MRPS23: variants seen among roughly 807,000 people sequenced by gnomAD.
MRPS23 encodes small ribosomal subunit protein mS23.
A neutral mutation model predicts 19.8 loss-of-function variants in MRPS23; 14 were observed. That is an observed-to-expected ratio of 0.71 (90% CI 0.47 to 1.11). MRPS23 has a LOEUF of 1.11. Among genes scored for constraint, MRPS23 ranks in the 50% least tolerant of loss-of-function variants. MRPS23 has a pLI of 0.00. For missense variants in MRPS23, 242 were observed against 236.7 expected, an observed-to-expected ratio of 1.02 and a Z score of -0.15; for synonymous variants, 113 against 89.7, an observed-to-expected ratio of 1.26 and a Z score of -1.47.
At position 57,849,548 on chromosome 17, in the gene MRPS23, C is replaced by A. The variant is rs73992322; in HGVS notation, c.45-138G>T. The A allele has an allele frequency of 3.1e-3, 3,150 of 1,018,202 alleles. 71 individuals are homozygous for A. The African/African-American group carries it at 0.045, about 15-fold the overall frequency. The allele number at this position is 1,018,202 out of a possible 1,614,324, so 63.1% of individuals were successfully genotyped here. A position where few individuals can be genotyped will look rare whatever the true frequency, so the allele number is the denominator to read the frequency against. ...ACGGGGAAGGACTGCTCCCCACCTA[C>A]AGAGAAGATCTGTCCACATCCCAAA... On this transcript the variant is annotated intron_variant, in intron 1 of 4. Transcript: ENST00000313608.
intron 2 of MRPS23, among the ~76,000 whole-genome samples, chr17:57,847,622 A>G (rs1180522704): frequency 6.8e-6 from 1 of 147,628 alleles, no homozygotes; most frequent in Non-Finnish European, 1.5e-5. Context: ...AGATTGCGCC[A>G]CTGCACTCCA....
At chr17:57,840,343 C>A (rs910400170) in intron 4 of MRPS23, among the ~76,000 whole-genome samples, 1 of 151,042 alleles carries the variant, frequency 6.6e-6, no homozygotes, top group African/African-American at 2.4e-5. Flanking sequence ...GCCAAGACTG[C>A]GCCACTGCAC....
rs60105585 is a variant in MRPS23, at chr17:57,837,807, C to CAA, written c.*1974_*1975dup. 22 of 148,622 alleles carry CAA rather than the reference C, an allele frequency of 1.5e-4. No individual in the cohort carries two copies. Among genetic ancestry groups the CAA allele is most frequent in the South Asian group, 8.5e-4 (4 of 4,696 alleles). The allele number at this position is 148,622 out of a possible 1,614,324, so 9.2% of individuals were successfully genotyped here. On this transcript the variant is annotated 3_prime_UTR_variant, in exon 5 of 5. Transcript: ENST00000313608. ...GCAACATAGCAAGACTCCATCTCTACAAAAAAAAACAAACAAAAAAAATGT... is the reference window on the plus strand; with the variant it reads ...GCAACATAGCAAGACTCCATCTCTACAAAAAAAAAAACAAACAAAAAAAATGT...
At chr17:57,845,358 G>C (rs1379195275) in intron 2 of MRPS23, among the ~76,000 whole-genome samples, 3 of 152,136 alleles carry the variant, frequency 2.0e-5, no homozygotes, top group Non-Finnish European at 4.4e-5. Flanking sequence ...GTTGGTGTTG[G>C]GGGTCCCGGG....
chr17:57,849,417 G>A lies in MRPS23; in HGVS notation c.45-7C>T. The A allele has an allele frequency of 3.1e-6, 5 of 1,613,162 alleles. No individual in the cohort carries two copies. The highest frequency in any genetic ancestry group is 4.2e-6 in the Non-Finnish European group (5 of 1,179,778). ...CCGAACCAGGTCCCGAGTCCTTAGG[G>A]AGGGAACAGAACGAAACTGGGTCAC... On this transcript the variant is annotated splice_region_variant and splice_polypyrimidine_tract_variant and intron_variant, in intron 1 of 4. Transcript: ENST00000313608.
intron 4 of MRPS23, 147 bp from the exon 5 acceptor site, chr17:57,840,082 A>G: frequency 9.9e-7 from 1 of 1,006,862 alleles, no homozygotes; most frequent in Non-Finnish European, 1.4e-6. Context: ...ACAAATAGTA[A>G]ACATGATTTT....
rs1334316860 is a variant in MRPS23 at position 57,837,622 on chromosome 17, C to T, written c.*2161G>A. 6.6e-6 allele frequency: 1 copy of T among 152,108 alleles called. No homozygotes were observed. The highest frequency in any genetic ancestry group is 1.5e-5 in the Non-Finnish European group (1 of 68,018). The allele number at this position is 152,108 out of a possible 1,614,324, so 9.4% of individuals were successfully genotyped here. A position where few individuals can be genotyped will look rare whatever the true frequency, so the allele number is the denominator to read the frequency against. ...TAGCTTTTTACTGTTAAGTTTTGAA[C>T]CATGTGCATGTATAATTTTTTTAAA... On this transcript the variant is annotated 3_prime_UTR_variant, in exon 5 of 5. Transcript: ENST00000313608.
rs1432815942 is a variant in MRPS23 at position 57,849,769 on chromosome 17, C to T, written c.44+198G>A. On this transcript the variant is annotated intron_variant, in intron 1 of 4. Coordinates refer to ENST00000313608, the MANE Select transcript of MRPS23 (RefSeq NM_016070.4). ...AGCTGCAATAATCTTTAACATGACA[C>T]ATAAATTCAAGGAGAGGCATCCTCA... The T allele has an allele frequency of 4.5e-6, 3 of 668,864 alleles. No homozygotes were observed. In the African/African-American group the frequency reaches 5.5e-5, roughly 12 times the overall value. The allele number at this position is 668,864 out of a possible 1,614,324, so 41.4% of individuals were successfully genotyped here. A position where few individuals can be genotyped will look rare whatever the true frequency, so the allele number is the denominator to read the frequency against.
At chr17:57,840,868 T>C in intron 4 of MRPS23, 58 bp downstream of exon 4, 1 of 1,598,646 alleles carries the variant, frequency 6.3e-7, no homozygotes, top group Non-Finnish European at 8.5e-7. Flanking sequence ...ACCAATCCCC[T>C]GTGCATACTG....
Position 57,839,816 on chromosome 17 carries a change from A to C in MRPS23, c.540T>G (p.Pro180=), listed in dbSNP as rs149198678. Residue 180 remains proline (P), a synonymous_variant, in exon 5 of 5, where the codon CCT becomes CCG. Coordinates refer to ENST00000313608, the MANE Select transcript of MRPS23 (RefSeq NM_016070.4). ...EVPQDQHLEA[P]ADQSKGLLPP is the part of the protein sequence containing the mutation. ...GCAAGAGACCTTTCGACTGGTCTGC[A>C]GGTGCCTCCAAATGCTGGTCCTGTG... is the stretch of plus-strand genomic sequence containing the variant. The C allele has an allele frequency of 1.2e-4, 193 of 1,614,092 alleles. No homozygotes were observed. In the Middle Eastern group the frequency reaches 1.5e-3, roughly 12 times the overall value.
chr17:57,845,645 C>G (rs2073768225), intron 2 of MRPS23, among the ~76,000 whole-genome samples: 1 of 152,138 alleles, frequency 6.6e-6, no homozygotes, highest in Non-Finnish European at 1.5e-5. Flanking sequence ...TAAATGTGGC[C>G]ATAGAAGTGG....
At position 57,849,379 on chromosome 17, in the gene MRPS23, T is replaced by C; in HGVS notation, c.76A>G (p.Lys26Glu). The C allele has an allele frequency of 6.2e-7, 1 of 1,614,084 alleles. No homozygotes were observed. Among genetic ancestry groups the C allele is most frequent in the Non-Finnish European group, 8.5e-7 (1 of 1,180,030 alleles). The change falls in exon 2 of 5, where the codon AAG becomes GAG. Residue 26 changes from lysine (K) to glutamate (E), a missense_variant. Physicochemically the swap from Lys to Glu is moderately conservative, Grantham distance 56. Transcript: ENST00000313608. Reference protein sequence around the residue: ...TRDLVRAGVLKEKPLWFDVYD... With the variant: ...TRDLVRAGVLEEKPLWFDVYD... ...ACGTCAAACCACAGGGGCTTCTCCT[T>C]CAGCACCCCGGCCCGAACCAGGTCC...
intron 2 of MRPS23, among the ~76,000 whole-genome samples, chr17:57,844,775 CAA>C (rs570457265): frequency 0.02 from 2,012 of 98,986 alleles, 36 homozygotes; most frequent in African/African-American, 0.07. Context: ...GACTCCATCT[CAA>C]AAAAAAAAAA....
chr17:57,840,040 A>C, intron 4 of MRPS23, 105 bp from the exon 5 acceptor site: 1 of 1,314,552 alleles, frequency 7.6e-7, no homozygotes, highest in Non-Finnish European at 1.1e-6. Flanking sequence ...TGAAAAATTT[A>C]GCACTAATAT....
At position 57,834,887 on chromosome 17, in the gene MRPS23, AG is replaced by A. The variant is rs1414684072; in HGVS notation, c.*4895del. 6.6e-6 allele frequency: 1 copy of A among 152,188 alleles called. No homozygotes were observed. The highest frequency in any genetic ancestry group is 1.5e-5 in the Non-Finnish European group (1 of 68,030). 9.4% of individuals were successfully genotyped at this position (152,188 alleles called of 1,614,324 possible). ...TCTGTAATACCACTTTCATTATCAGAGAACTCTCGATACAAAGTGTTCTACA... is the reference window on the plus strand; with the variant it reads ...TCTGTAATACCACTTTCATTATCAGAAACTCTCGATACAAAGTGTTCTACA... On this transcript the variant is annotated 3_prime_UTR_variant, in exon 5 of 5. Transcript: ENST00000313608.
At chr17:57,847,492 C>A (rs546697990) in intron 2 of MRPS23, among the ~76,000 whole-genome samples, 2 of 151,530 alleles carry the variant, frequency 1.3e-5, no homozygotes, top group African/African-American at 4.8e-5. Flanking sequence ...GAAACCCTGT[C>A]TCTACTAAAA....
intron 4 of MRPS23, 86 bp from the exon 5 acceptor site, chr17:57,840,021 G>C: frequency 6.8e-7 from 1 of 1,474,566 alleles, no homozygotes; most frequent in Non-Finnish European, 9.3e-7. Context: ...GGCACATTCT[G>C]TCACTGAGTG....
intron 1 of MRPS23, 95 bp from the exon 2 acceptor site, chr17:57,849,505 T>C: frequency 3.5e-6 from 5 of 1,448,754 alleles, no homozygotes; most frequent in Non-Finnish European, 3.7e-6. Context: ...AAAGGTATTA[T>C]GCGGTCTGCA....
At position 57,837,745 on chromosome 17, in the gene MRPS23, C is replaced by T. The variant is rs62084483; in HGVS notation, c.*2038G>A. ...CTTTGGGCGGCTGAGGCAGGAGGAT[C>T]GCTTGAGGCCAGGAGTTTGAGACCA... is the stretch of plus-strand genomic sequence containing the variant. On this transcript the variant is annotated 3_prime_UTR_variant, in exon 5 of 5. Transcript: ENST00000313608. The T allele has an allele frequency of 0.28, 43,166 of 152,036 alleles. 6,368 individuals are homozygous for T. Among genetic ancestry groups the T allele is most frequent in the African/African-American group, 0.31 (12,907 of 41,396 alleles). 9.4% of individuals were successfully genotyped at this position (152,036 alleles called of 1,614,324 possible).
Sources: allele counts gnomAD v4.1 joint callset (sites outside exome capture counted in the v4.1 genomes callset), GRCh38; gene constraint gnomAD v4.1.1; transcripts MANE v1.5; gene names NCBI Gene and HGNC (gene_info 2026-07-23, HGNC 2026-07-21).